The following SELE variants were observed in gnomAD, a reference collection of about 807,000 sequenced individuals.
SELE encodes selectin E.
Under a neutral mutation model 75.8 loss-of-function variants are expected in SELE, and 52 were observed. That is an observed-to-expected ratio of 0.69 (90% CI 0.55 to 0.86). SELE has a LOEUF of 0.86. Ranked by LOEUF, SELE falls within the 40% of genes least tolerant of loss-of-function variation. SELE has a pLI of 0.00. For synonymous variants in SELE, 285 were observed against 258.7 expected, an observed-to-expected ratio of 1.10 and a Z score of -0.98; for missense variants, 754 against 732.7, an observed-to-expected ratio of 1.03 and a Z score of -0.34.
chr1:169,732,061 C>A (rs1648925357), intron 3 of SELE, 119 bp from the exon 4 acceptor site: 2 of 588,434 alleles, frequency 3.4e-6, no homozygotes, highest in Non-Finnish European at 6.0e-6. Flanking sequence ...GTGCCATAGA[C>A]TTTAACTGAA....
Position 169,727,881 on chromosome 1 carries a change from C to A in SELE, c.1326G>T (p.Arg442Ser). 1 of 1,614,192 alleles carries A rather than the reference C, an allele frequency of 6.2e-7. No homozygotes were observed. The highest frequency in any genetic ancestry group is 8.5e-7 in the Non-Finnish European group (1 of 1,180,016). ...AVHQPPKGLV[R>S]CAHSPIGEFT... is the part of the protein sequence containing the mutation. ...ATTCTCCAATAGGGGAATGAGCACA[C>A]CTCACCAAACCCTTCGGGGGCTGGT... Residue 442 changes from arginine (R) to serine (S), a missense_variant, in exon 9 of 14, where the codon AGG (arginine) becomes AGT (serine). Physicochemically the swap from Arg to Ser is moderately radical, Grantham distance 110 (BLOSUM62 -1). Coordinates refer to ENST00000333360, the MANE Select transcript of SELE (RefSeq NM_000450.2).
At chr1:169,726,569 T>A in intron 11 of SELE, 130 bp downstream of exon 11, 3 of 709,590 alleles carry the variant, frequency 4.2e-6, no homozygotes, top group Non-Finnish European at 7.4e-6. Context: ...TTAATACTTC[T>A]GCTTAATTAT....
rs750380638 is a variant in SELE, at chr1:169,726,767, G to A, written c.1685C>T (p.Ser562Phe). 1.2e-6 allele frequency: 2 copies of A among 1,613,844 alleles called. No homozygotes were observed. The highest frequency in any genetic ancestry group is 2.2e-5 in the South Asian group (2 of 90,960). ...ESNIPLVAGL[S>F]AAGLSLLTLA... The stretch of plus-strand genomic sequence containing the variant: ...TGTCAGGAGGGAGAGTCCAGCAGCA[G>A]AAAGTCCAGCTACCAAGGGAATGTT... The change falls in exon 11 of 14, where the codon TCT becomes TTT. Residue 562 changes from serine to phenylalanine, a missense_variant. Physicochemically the swap from Ser to Phe is radical, Grantham distance 155. Transcript: ENST00000333360.
At chr1:169,727,611 A>C in intron 9 of SELE, 86 bp from the exon 10 acceptor site, 1 of 1,554,860 alleles carries the variant, frequency 6.4e-7, no homozygotes, top group South Asian at 1.2e-5. Context: ...CAATGAATGT[A>C]AAGTGTAAGC....
At position 169,732,630 on chromosome 1, in the gene SELE, C is replaced by A. The variant is rs138813218; in HGVS notation, c.406G>T (p.Ala136Ser). ...AACTCCCTACCTGTGTAGCATAGGG[C>A]AAGCTTCTTCTTGCTGCACCTCTCA... is the stretch of plus-strand genomic sequence containing the variant. The part of the protein sequence containing the change: ...NDERCSKKKL[A>S]LCYTAACTNT... Residue 136 changes from alanine to serine, a missense_variant, in exon 3 of 14, where the codon GCC becomes TCC. Physicochemically the swap from Ala to Ser is moderately conservative, Grantham distance 99 (BLOSUM62 1). Transcript: ENST00000333360. The A allele has an allele frequency of 2.3e-4, 373 of 1,600,472 alleles. No individual in the cohort carries two copies. The highest frequency in any genetic ancestry group is 2.9e-4 in the Non-Finnish European group (341 of 1,173,986).
At position 169,727,877 on chromosome 1, in the gene SELE, C is replaced by G; in HGVS notation, c.1330G>C (p.Ala444Pro). The change falls in exon 9 of 14, where the codon GCT becomes CCT. Residue 444 changes from alanine to proline, a missense_variant. Physicochemically the swap from Ala to Pro is conservative, Grantham distance 27. Coordinates refer to ENST00000333360, the MANE Select transcript of SELE (RefSeq NM_000450.2). ...GTGAATTCTCCAATAGGGGAATGAG[C>G]ACACCTCACCAAACCCTTCGGGGGC... ...HQPPKGLVRC[A>P]HSPIGEFTYK... 6.2e-7 allele frequency: 1 copy of G among 1,614,152 alleles called. No homozygotes were observed. The highest frequency in any genetic ancestry group is 2.2e-5 in the East Asian group (1 of 44,878).
In SELE at chr1:169,725,720, A is replaced by G; in HGVS notation, c.*15+9T>C. On this transcript the variant is annotated intron_variant, in intron 13 of 13. Transcript: ENST00000333360. ...TCTCTCATAACCATTTGTGATTTAC[A>G]AGTCTTACCTGATTCTTTTGAACTT... is the stretch of plus-strand genomic sequence containing the variant. 1 of 1,608,516 alleles carries G rather than the reference A, an allele frequency of 6.2e-7. No individual in the cohort carries two copies. The highest frequency in any genetic ancestry group is 8.5e-7 in the Non-Finnish European group (1 of 1,175,158).
chr1:169,730,239 G>T (rs574122528), intron 5 of SELE, among the ~76,000 whole-genome samples, 193 bp downstream of exon 5: 3 of 151,642 alleles, frequency 2.0e-5, no homozygotes, highest in Non-Finnish European at 4.4e-5. Flanking sequence ...TTCAAGCATA[G>T]AATAAAAAAA....
At chr1:169,730,755 GACTGTAATTCT>G in intron 4 of SELE, 138 bp from the exon 5 acceptor site, 1 of 495,498 alleles carries the variant, frequency 2.0e-6, no homozygotes, top group Non-Finnish European at 3.4e-6. Context: ...TTGTAAAATT[GACTGTAATTCT>G]ACCCCTTTTC....
Position 169,732,697 on chromosome 1 carries a change from C to T in SELE, c.339G>A (p.Glu113=), listed in dbSNP as rs1210375409. The part of the protein sequence containing the change: ...NNRQKDEDCV[E]IYIKREKDVG... ...CATCTTTTTCTCTCTTGATGTAGAT[C>T]TCCACGCAGTCCTCATCTTTTTGCC... The change falls in exon 3 of 14, where the codon GAG becomes GAA. Residue 113 remains glutamate (E), a synonymous_variant. Transcript: ENST00000333360. The T allele has an allele frequency of 6.2e-7, 1 of 1,613,886 alleles. No individual in the cohort carries two copies. The highest frequency in any genetic ancestry group is 2.2e-5 in the East Asian group (1 of 44,852).
chr1:169,725,936 A>G lies in SELE; in HGVS notation c.1754-8T>C. On this transcript the variant is annotated splice_polypyrimidine_tract_variant and splice_region_variant and intron_variant, in intron 11 of 13. Transcript: ENST00000333360. ...CAGGAACAAATTTCTTTGCTGCAAA[A>G]GAAAAGACAAACAACCATTAATTCA... The G allele has an allele frequency of 6.2e-7, 1 of 1,613,968 alleles. No homozygotes were observed. Among genetic ancestry groups the G allele is most frequent in the Non-Finnish European group, 8.5e-7 (1 of 1,179,906 alleles).
chr1:169,730,562 G>C lies in SELE; in HGVS notation c.585C>G (p.His195Gln). The change falls in exon 5 of 14, where the codon CAC becomes CAG. Residue 195 changes from histidine to glutamine, a missense_variant. Transcript: ENST00000333360. ...SPEHGSLVCSHPLGNFSYNSS... is the reference protein window; with the variant it reads ...SPEHGSLVCSQPLGNFSYNSS... ...AATTGTAGCTGAAGTTTCCCAGTGG[G>C]TGACTGCAAACCAGGCTTCCATGCT... 6.2e-7 allele frequency: 1 copy of C among 1,614,004 alleles called. No homozygotes were observed. Among genetic ancestry groups the C allele is most frequent in the East Asian group, 2.2e-5 (1 of 44,852 alleles).
chr1:169,727,730 C>A lies in SELE; in HGVS notation c.1468+9G>T. The A allele has an allele frequency of 6.2e-7, 1 of 1,612,464 alleles. No homozygotes were observed. Among genetic ancestry groups the A allele is most frequent in the South Asian group, 1.1e-5 (1 of 90,822 alleles). ...CCTGTACCCTAAAAAAGTCTGCACT[C>A]AATTCTACCTTGGCAGGAAGGAACC... On this transcript the variant is annotated intron_variant, in intron 9 of 13. Coordinates refer to ENST00000333360, the MANE Select transcript of SELE (RefSeq NM_000450.2).
In SELE at chr1:169,729,360, C is replaced by T; in HGVS notation, c.916G>A (p.Ala306Thr). ...KPTCKAVTCRAVRQPQNGSVR... is the reference protein window; with the variant it reads ...KPTCKAVTCRTVRQPQNGSVR... ...GAGCCATTCTGAGGCTGGCGGACGG[C>T]CCTGCATGTCACAGCTGTAACAAAT... Residue 306 changes from alanine to threonine, a missense_variant, in exon 7 of 14, where the codon GCC (alanine) becomes ACC (threonine). Physicochemically the swap from Ala to Thr is moderately conservative, Grantham distance 58. Coordinates refer to ENST00000333360, the MANE Select transcript of SELE (RefSeq NM_000450.2). 1.2e-6 allele frequency: 2 copies of T among 1,613,646 alleles called. No individual in the cohort carries two copies. The highest frequency in any genetic ancestry group is 1.7e-4 in the Middle Eastern group (1 of 6,058).
In SELE at chr1:169,733,858, G is replaced by A. The variant is rs1191934607; in HGVS notation, c.-49+113C>T. ...TATTTAGGTCAAAGAGAAAAGACAGGTTTTAGCTACAATACAATAAGAGCT... is the reference window on the plus strand; with the variant it reads ...TATTTAGGTCAAAGAGAAAAGACAGATTTTAGCTACAATACAATAAGAGCT... On this transcript the variant is annotated intron_variant, in intron 1 of 13. Transcript: ENST00000333360. 3 of 551,468 alleles carry A rather than the reference G, an allele frequency of 5.4e-6. No individual in the cohort carries two copies. In the African/African-American group the frequency reaches 5.7e-5, roughly 10 times the overall value. The allele number at this position is 551,468 out of a possible 1,614,324, so 34.2% of individuals were successfully genotyped here. A position where few individuals can be genotyped will look rare whatever the true frequency, so the allele number is the denominator to read the frequency against.
In SELE at chr1:169,732,605, A is replaced by C. The variant is rs1413414922; in HGVS notation, c.421+10T>G. ...GAAACTACCTCCCACTGCTGCCGCAAACTCCCTACCTGTGTAGCATAGGGC... is the reference window on the plus strand; with the variant it reads ...GAAACTACCTCCCACTGCTGCCGCACACTCCCTACCTGTGTAGCATAGGGC... On this transcript the variant is annotated intron_variant, in intron 3 of 13. Coordinates refer to ENST00000333360, the MANE Select transcript of SELE (RefSeq NM_000450.2). 1.9e-6 allele frequency: 3 copies of C among 1,545,340 alleles called. No homozygotes were observed. The highest frequency in any genetic ancestry group is 2.6e-6 in the Non-Finnish European group (3 of 1,148,686).
At chr1:169,726,894 A>G in intron 10 of SELE, 88 bp from the exon 11 acceptor site, 1 of 839,696 alleles carries the variant, frequency 1.2e-6, no homozygotes, top group Non-Finnish European at 2.0e-6. Flanking sequence ...TTTTCTGTAC[A>G]TTCATTACTA....
intron 13 of SELE, among the ~76,000 whole-genome samples, chr1:169,725,198 C>T (rs995936474): frequency 4.0e-5 from 6 of 151,890 alleles, no homozygotes; most frequent in East Asian, 1.9e-4. Context: ...GCCAACATGA[C>T]GAAAAAATAC....
chr1:169,733,084 T>C, intron 2 of SELE, 86 bp from the exon 3 acceptor site: 1 of 1,374,066 alleles, frequency 7.3e-7, no homozygotes, highest in African/African-American at 1.4e-5. Flanking sequence ...TGTCTTATTT[T>C]TGGCAATGTT....
Sources: allele counts gnomAD v4.1 joint callset (sites outside exome capture counted in the v4.1 genomes callset), GRCh38; gene constraint gnomAD v4.1.1; transcripts MANE v1.5; gene names NCBI Gene and HGNC (gene_info 2026-07-23, HGNC 2026-07-21).